RAB31: variants seen among roughly 807,000 people sequenced by gnomAD.
RAB31 encodes the protein RAB31, member RAS oncogene family.
Under a neutral mutation model 25.6 loss-of-function variants are expected in RAB31, and 21 were observed. The observed-to-expected ratio is 0.82, with a 90% confidence interval of 0.58 to 1.18. The LOEUF is 1.18. Ranked by LOEUF, RAB31 falls within the 50% of genes most tolerant of loss-of-function variation. The pLI is 0.00. For missense variants in RAB31, 196 were observed against 250.1 expected (o/e 0.78, Z 1.46); for synonymous variants, 87 against 84.0 (o/e 1.04, Z -0.20).
chr18:9,825,509 T>TA (rs2068645456), intron 5 of RAB31, among the ~76,000 whole-genome samples: 1 of 152,214 alleles, frequency 6.6e-6, no homozygotes, highest in Admixed American at 6.5e-5. Flanking sequence ...GTGCACTTGT[T>TA]AAAAATTCCA....
intron 3 of RAB31, among the ~76,000 whole-genome samples, chr18:9,794,591 T>C (rs2068477361): frequency 6.6e-6 from 1 of 151,766 alleles, no homozygotes; most frequent in East Asian, 1.9e-4. Flanking sequence ...CTGAGATGAG[T>C]GGATCATGAG....
chr18:9,712,523 A>T (rs964367866), intron 1 of RAB31, among the ~76,000 whole-genome samples: 1 of 152,260 alleles, frequency 6.6e-6, no homozygotes, highest in Non-Finnish European at 1.5e-5. Context: ...GCAACAAAGT[A>T]TGTTAACAAC....
intron 3 of RAB31, among the ~76,000 whole-genome samples, chr18:9,806,461 C>T (rs1307000713): frequency 6.6e-6 from 1 of 151,260 alleles, no homozygotes; most frequent in East Asian, 1.9e-4. Flanking sequence ...GTCCAGGCTG[C>T]TAGAAGGCGT....
At chr18:9,709,483 A>G (rs1425852955) in intron 1 of RAB31, among the ~76,000 whole-genome samples, 1 of 152,226 alleles carries the variant, frequency 6.6e-6, no homozygotes, top group Admixed American at 6.5e-5. Flanking sequence ...TGATCTGTCA[A>G]GATGGGGGTA....
intron 1 of RAB31, among the ~76,000 whole-genome samples, chr18:9,730,755 G>T (rs1159170138): frequency 3.3e-5 from 5 of 152,234 alleles, no homozygotes; most frequent in Non-Finnish European, 7.3e-5. Context: ...ATTCTGTATT[G>T]TCAATGTGAG....
intron 1 of RAB31, among the ~76,000 whole-genome samples, chr18:9,753,276 G>A (rs905176551): frequency 1.3e-5 from 2 of 152,168 alleles, no homozygotes; most frequent in African/African-American, 4.8e-5. Flanking sequence ...GGGTCATGAG[G>A]GCTCTACTGT....
intron 1 of RAB31, among the ~76,000 whole-genome samples, chr18:9,715,293 T>G (rs2068038296): frequency 6.6e-6 from 1 of 152,048 alleles, no homozygotes; most frequent in Admixed American, 6.6e-5. Context: ...GCAGGGGGCT[T>G]GGATCTCACT....
At chr18:9,825,050 A>T (rs1250270912) in intron 5 of RAB31, among the ~76,000 whole-genome samples, 3 of 152,174 alleles carry the variant, frequency 2.0e-5, no homozygotes, top group African/African-American at 7.2e-5. Flanking sequence ...GGGGCAGGCC[A>T]TTCTGTTCTC....
At chr18:9,731,730 G>A (rs912594698) in intron 1 of RAB31, among the ~76,000 whole-genome samples, 4 of 151,718 alleles carry the variant, frequency 2.6e-5, no homozygotes, top group Admixed American at 6.6e-5. Flanking sequence ...TGAGTAGCTG[G>A]GATTACAGGC....
chr18:9,756,482 A>T (rs1354921568), intron 1 of RAB31, among the ~76,000 whole-genome samples: 1 of 152,234 alleles, frequency 6.6e-6, no homozygotes, highest in African/African-American at 2.4e-5. Context: ...AAGAGATTAC[A>T]GCAGTTAACT....
chr18:9,788,342 G>GAT (rs1293347487), intron 2 of RAB31, among the ~76,000 whole-genome samples: 1 of 152,176 alleles, frequency 6.6e-6, no homozygotes, highest in African/African-American at 2.4e-5. Flanking sequence ...ACCACAGGAA[G>GAT]ATATCATCTC....
At chr18:9,756,758 A>G (rs556235647) in intron 1 of RAB31, among the ~76,000 whole-genome samples, 4 of 152,300 alleles carry the variant, frequency 2.6e-5, no homozygotes, top group African/African-American at 9.6e-5. Context: ...GCTCAATAAA[A>G]ATGCAGCAAA....
At position 9,861,416 on chromosome 18, in the gene RAB31, G is replaced by A. The variant is rs2068846847; in HGVS notation, c.*2091G>A. 1 of 152,160 alleles carries A rather than the reference G, an allele frequency of 6.6e-6. No homozygotes were observed. Among genetic ancestry groups the A allele is most frequent in the Non-Finnish European group, 1.5e-5 (1 of 68,042 alleles). 9.4% of individuals were successfully genotyped at this position (152,160 alleles called of 1,614,324 possible). A position where few individuals can be genotyped will look rare whatever the true frequency, so the allele number is the denominator to read the frequency against. ...TGTGAAACCACTCTGTTACCTTTCT[G>A]TATTGTCTTAGCTATTCAAGCCAGT... On this transcript the variant is annotated 3_prime_UTR_variant, in exon 7 of 7. Coordinates refer to ENST00000578921, the MANE Select transcript of RAB31 (RefSeq NM_006868.4).
chr18:9,729,991 C>T (rs568340872), intron 1 of RAB31, among the ~76,000 whole-genome samples: 45 of 152,046 alleles, frequency 3.0e-4, no homozygotes, highest in African/African-American at 8.7e-4. Context: ...GTGGTAAATA[C>T]GTGGTAGATT....
At chr18:9,840,709 T>C (rs942306497) in intron 5 of RAB31, among the ~76,000 whole-genome samples, 1 of 152,128 alleles carries the variant, frequency 6.6e-6, no homozygotes, top group Non-Finnish European at 1.5e-5. Flanking sequence ...AAGAGTGCAA[T>C]ACTGCGAGAC....
chr18:9,829,967 T>C (rs1022336332), intron 5 of RAB31, among the ~76,000 whole-genome samples: 2 of 151,804 alleles, frequency 1.3e-5, no homozygotes, highest in African/African-American at 4.8e-5. Flanking sequence ...TTAGGTCTTA[T>C]ATTTTCATTT....
intron 3 of RAB31, among the ~76,000 whole-genome samples, chr18:9,802,266 G>T (rs1172246266): frequency 6.6e-6 from 1 of 152,184 alleles, no homozygotes; most frequent in African/African-American, 2.4e-5. Context: ...TGACTTTGGG[G>T]TTACCTGCTC....
intron 5 of RAB31, among the ~76,000 whole-genome samples, chr18:9,838,132 C>G (rs745849101): frequency 6.6e-6 from 1 of 152,194 alleles, no homozygotes; most frequent in African/African-American, 2.4e-5. Context: ...TTTTCCCTTA[C>G]GTAAACACTG....
chr18:9,713,557 T>C (rs566253867), intron 1 of RAB31, among the ~76,000 whole-genome samples: 2 of 152,262 alleles, frequency 1.3e-5, no homozygotes, highest in Non-Finnish European at 2.9e-5. Flanking sequence ...TGTTCCTCCT[T>C]TGTTCAGGGT....
Sources: gnomAD v4.1 joint callset for allele counts (sites outside exome capture counted in the v4.1 genomes callset) on GRCh38, gnomAD v4.1.1 for gene constraint, MANE v1.5 for transcripts, NCBI Gene and HGNC (gene_info 2026-07-23, HGNC 2026-07-21) for gene names.